CNTN1: variants seen among roughly 807,000 people sequenced by gnomAD.
CNTN1 encodes contactin 1.
In CNTN1, 38 loss-of-function variants were observed where a neutral mutation model predicts 126.4. The observed-to-expected ratio is 0.30, with a 90% CI of 0.23 to 0.39. The LOEUF (loss-of-function observed/expected upper bound fraction) is 0.39, where lower values mean the gene tolerates loss of function less well. Among genes scored for constraint, CNTN1 ranks in the 10% least tolerant of loss-of-function variants. The probability of loss-of-function intolerance (pLI) is 1.00; values close to 1 mark genes in which losing one functional copy is unlikely to be tolerated. For missense variants in CNTN1, 1,009 were observed against 1,248.4 expected, an observed-to-expected ratio of 0.81 and a Z score of 2.89; for synonymous variants, 413 against 422.6, an observed-to-expected ratio of 0.98 and a Z score of 0.28.
chr12:40,785,252 G>T (rs1939966467), intron 1 of CNTN1, among the ~76,000 whole-genome samples: 1 of 152,140 alleles, frequency 6.6e-6, no homozygotes, highest in Non-Finnish European at 1.5e-5. Context: ...AGGTTTAATT[G>T]GCCCATGGTT....
chr12:40,889,644 G>C (rs971797640), intron 1 of CNTN1, among the ~76,000 whole-genome samples: 4 of 152,078 alleles, frequency 2.6e-5, no homozygotes, highest in African/African-American at 9.7e-5. Context: ...CATCCTTAAA[G>C]AAGGGCAGAA....
intron 1 of CNTN1, among the ~76,000 whole-genome samples, chr12:40,742,667 G>T (rs1937994620): frequency 6.6e-6 from 1 of 151,336 alleles, no homozygotes. Context: ...TCTATATCTT[G>T]TCTTCTCTCA....
At chr12:40,943,875 G>T in intron 13 of CNTN1, 120 bp from the exon 14 acceptor site, 1 of 1,376,072 alleles carries the variant, frequency 7.3e-7, no homozygotes, top group Non-Finnish European at 1.0e-6. Flanking sequence ...TTGGAATTTG[G>T]AAGTGAAAAC....
intron 1 of CNTN1, among the ~76,000 whole-genome samples, chr12:40,820,997 C>T (rs1037917056): frequency 4.6e-5 from 7 of 152,126 alleles, no homozygotes; most frequent in African/African-American, 1.2e-4. Context: ...AACTTGATGA[C>T]GTCACTCCAC....
intron 1 of CNTN1, among the ~76,000 whole-genome samples, chr12:40,868,215 C>T (rs1298849679): frequency 6.6e-6 from 1 of 151,870 alleles, no homozygotes; most frequent in East Asian, 1.9e-4. Flanking sequence ...AATAATTATC[C>T]CAATGGAAGT....
chr12:40,955,618 TA>T (rs1946848958), intron 14 of CNTN1, among the ~76,000 whole-genome samples: 1 of 152,142 alleles, frequency 6.6e-6, no homozygotes, highest in Non-Finnish European at 1.5e-5. Flanking sequence ...TTAATGTATC[TA>T]TTCAATATTT....
intron 1 of CNTN1, among the ~76,000 whole-genome samples, chr12:40,814,647 T>C (rs1941198113): frequency 6.6e-6 from 1 of 152,192 alleles, no homozygotes; most frequent in Non-Finnish European, 1.5e-5. Flanking sequence ...TCAGCTTTGT[T>C]CTTTTGGCTT....
chr12:40,926,361 C>A (rs1214706148), intron 6 of CNTN1, among the ~76,000 whole-genome samples: 1 of 151,726 alleles, frequency 6.6e-6, no homozygotes, highest in African/African-American at 2.4e-5. Flanking sequence ...GAAGAGCATG[C>A]CAGGAAGATG....
intron 1 of CNTN1, among the ~76,000 whole-genome samples, chr12:40,900,180 A>C (rs1944556979): frequency 6.6e-6 from 1 of 152,210 alleles, no homozygotes; most frequent in Non-Finnish European, 1.5e-5. Flanking sequence ...ACATTTTTGT[A>C]TAATTGGATT....
chr12:40,874,229 T>C (rs900048036), intron 1 of CNTN1, among the ~76,000 whole-genome samples: 1 of 152,090 alleles, frequency 6.6e-6, no homozygotes, highest in African/African-American at 2.4e-5. Flanking sequence ...ATTGGGAGGA[T>C]AAAATGAATA....
chr12:40,876,141 C>CAA (rs76745017), intron 1 of CNTN1, among the ~76,000 whole-genome samples: 3,103 of 142,658 alleles, frequency 0.022, 52 homozygotes, highest in Middle Eastern at 0.04. Flanking sequence ...TAGTAAAAGC[C>CAA]AAAAAAAAAA....
chr12:40,716,571 A>T (rs903283804), intron 1 of CNTN1, among the ~76,000 whole-genome samples: 1 of 152,238 alleles, frequency 6.6e-6, no homozygotes, highest in African/African-American at 2.4e-5. Context: ...TTACAAATGT[A>T]TCTAGAGACT....
At position 40,830,805 on chromosome 12, in the gene CNTN1, A is replaced by G. The variant is rs1181954617; in HGVS notation, c.-76-77552A>G. Among the ~76,000 whole-genome samples the G allele has an allele frequency of 6.4e-4, 74 of 115,772 alleles. 4 individuals carry two copies. The highest frequency in any genetic ancestry group is 1.4e-3 in the African/African-American group (41 of 29,840). The allele number at this position is 115,772 out of a possible 152,430, so 76.0% of individuals were successfully genotyped here. ...GAAAGTATAGTGTATATATATATAT[A>G]TATATATATATATATATATATATAT... On this transcript the variant is annotated intron_variant, in intron 1 of 23. Coordinates refer to ENST00000551295, the MANE Select transcript of CNTN1 (RefSeq NM_001843.4).
intron 1 of CNTN1, among the ~76,000 whole-genome samples, chr12:40,699,062 A>C (rs546007501): frequency 1.0e-5 from 1 of 95,976 alleles, no homozygotes; most frequent in Non-Finnish European, 2.1e-5. Context: ...CTGAATTCCC[A>C]GTCTTAAATT....
chr12:40,942,334 G>C (rs10879386), intron 12 of CNTN1, among the ~76,000 whole-genome samples: 17,886 of 152,086 alleles, frequency 0.12, 1,097 homozygotes, highest in Non-Finnish European at 0.12. Flanking sequence ...GCTTGGAAAA[G>C]TATTTTACTG....
intron 1 of CNTN1, among the ~76,000 whole-genome samples, chr12:40,841,449 C>T (rs1034783749): frequency 4.0e-5 from 6 of 151,854 alleles, no homozygotes; most frequent in Non-Finnish European, 8.8e-5. Flanking sequence ...AGCATCAACC[C>T]GACACCAAAA....
intron 1 of CNTN1, among the ~76,000 whole-genome samples, chr12:40,889,409 T>C (rs1944163233): frequency 6.6e-6 from 1 of 152,226 alleles, no homozygotes; most frequent in Non-Finnish European, 1.5e-5. Context: ...TCTCTTCAAT[T>C]TATCCCTTTA....
chr12:40,975,974 T>C (rs1201872263), intron 15 of CNTN1, among the ~76,000 whole-genome samples: 2 of 152,144 alleles, frequency 1.3e-5, no homozygotes, highest in African/African-American at 2.4e-5. Context: ...ATAAAATGTA[T>C]TTCAAAAACT....
intron 20 of CNTN1, among the ~76,000 whole-genome samples, chr12:41,021,244 C>T (rs191073064): frequency 2.0e-5 from 3 of 152,244 alleles, no homozygotes; most frequent in East Asian, 3.9e-4. Context: ...GTGTCTAAAA[C>T]TCAAGTTGTC....
Sources: gnomAD v4.1 joint callset for allele counts (sites outside exome capture counted in the v4.1 genomes callset) on GRCh38, gnomAD v4.1.1 for gene constraint, MANE v1.5 for transcripts, NCBI Gene and HGNC (gene_info 2026-07-23, HGNC 2026-07-21) for gene names.